The following RHBDD1 variants were observed in gnomAD, a reference collection of about 807,000 sequenced individuals.
RHBDD1 encodes rhomboid-related protein 4.
A neutral mutation model predicts 36.3 loss-of-function variants in RHBDD1; 38 were observed. The observed-to-expected ratio is 1.05, with a 90% CI of 0.81 to 1.37. The LOEUF is 1.37. Among genes scored for constraint, RHBDD1 ranks in the 40% most tolerant of loss-of-function variants. The probability of loss-of-function intolerance (pLI) is 0.00; values close to 1 mark genes in which losing one functional copy is unlikely to be tolerated. For synonymous variants in RHBDD1, 151 were observed against 136.5 expected, an observed-to-expected ratio of 1.11 and a Z score of -0.74; for missense variants, 393 against 377.6, an observed-to-expected ratio of 1.04 and a Z score of -0.34.
At chr2:226,818,788 G>A in the RHBDD1 span, among the ~76,000 whole-genome samples, 8,194 of 151,872 alleles carry the variant, frequency 0.054, 702 homozygotes, top group African/African-American at 0.18. Context: ...GCAGTGAGAC[G>A]AGATTGCGCC....
intron 8 of RHBDD1, among the ~76,000 whole-genome samples, chr2:226,970,227 C>T (rs1953195479): frequency 6.6e-6 from 1 of 151,882 alleles, no homozygotes. Flanking sequence ...ACTATTGTTG[C>T]TAGCTGGGAG....
upstream of RHBDD1, among the ~76,000 whole-genome samples, chr2:226,831,260 A>G (rs1274360699): frequency 1.3e-5 from 2 of 152,232 alleles, no homozygotes; most frequent in African/African-American, 4.8e-5. Flanking sequence ...CTTTGTGGGA[A>G]GATTTTCTTT....
chr2:226,896,612 C>T (rs936905786), intron 5 of RHBDD1, among the ~76,000 whole-genome samples: 2 of 152,166 alleles, frequency 1.3e-5, no homozygotes, highest in Admixed American at 6.5e-5. Context: ...TCTGTTCTCT[C>T]AGCAGGTGGA....
intron 8 of RHBDD1, among the ~76,000 whole-genome samples, chr2:226,931,753 T>C (rs184387329): frequency 4.3e-4 from 66 of 152,258 alleles, no homozygotes; most frequent in Admixed American, 2.4e-3. Flanking sequence ...TTTTGCTGTA[T>C]AATCAATCCT....
chr2:226,938,668 T>G (rs1215836537), intron 8 of RHBDD1, among the ~76,000 whole-genome samples: 1 of 152,064 alleles, frequency 6.6e-6, no homozygotes, highest in East Asian at 1.9e-4. Context: ...ACCAGACGGA[T>G]TCACAGCTGA....
intron 8 of RHBDD1, among the ~76,000 whole-genome samples, chr2:226,967,842 G>A (rs1449736542): frequency 6.6e-6 from 1 of 152,010 alleles, no homozygotes; most frequent in Non-Finnish European, 1.5e-5. Context: ...TTCATTCAGT[G>A]CCAGGGGCCC....
chr2:226,852,035 T>G (rs1942865791), intron 3 of RHBDD1, among the ~76,000 whole-genome samples: 1 of 152,224 alleles, frequency 6.6e-6, no homozygotes, highest in Non-Finnish European at 1.5e-5. Flanking sequence ...ATGTGTACTT[T>G]CTACCCTGCC....
Position 226,997,701 on chromosome 2 carries a change from C to T in RHBDD1, c.*2179C>T, listed in dbSNP as rs1959790506. 1.3e-5 allele frequency: 2 copies of T among 152,106 alleles called. No individual in the cohort carries two copies. Among genetic ancestry groups the T allele is most frequent in the Admixed American group, 1.3e-4 (2 of 15,280 alleles). The allele number at this position is 152,106 out of a possible 1,614,324, so 9.4% of individuals were successfully genotyped here. On this transcript the variant is annotated 3_prime_UTR_variant, in exon 9 of 9. Coordinates refer to ENST00000392062, the MANE Select transcript of RHBDD1 (RefSeq NM_001167608.3). ...GTTTGACTTGTCAGATACAAAGACA[C>T]GGGATTAGATTTTGGGTGGTAAAAT...
At position 226,995,570 on chromosome 2, in the gene RHBDD1, T is replaced by G; in HGVS notation, c.*48T>G. On this transcript the variant is annotated 3_prime_UTR_variant, in exon 9 of 9. Transcript: ENST00000392062. ...GCCTATTCGTGTAATTATTGCCCAT[T>G]TGGCTCATTCCCCAAGCCCCTAATT... The G allele has an allele frequency of 7.9e-7, 1 of 1,268,838 alleles. No homozygotes were observed. The highest frequency in any genetic ancestry group is 1.2e-5 in the South Asian group (1 of 80,304). The allele number at this position is 1,268,838 out of a possible 1,614,324, so 78.6% of individuals were successfully genotyped here.
intron 3 of RHBDD1, among the ~76,000 whole-genome samples, chr2:226,848,994 A>C (rs1309986401): frequency 1.3e-5 from 2 of 152,212 alleles, no homozygotes; most frequent in Non-Finnish European, 2.9e-5. Flanking sequence ...ACTATCAATC[A>C]GTAGCAAAAT....
Position 226,864,822 on chromosome 2 carries a change from G to T in RHBDD1, c.129G>T (p.Leu43Phe), listed in dbSNP as rs1944185477. Residue 43 changes from leucine (L) to phenylalanine (F), a missense_variant, in exon 4 of 9, where the codon TTG becomes TTT. Coordinates refer to ENST00000392062, the MANE Select transcript of RHBDD1 (RefSeq NM_001167608.3). Reference protein sequence around the residue: ...ATLALNIWFFLNPQKPLYSSC... With the variant: ...ATLALNIWFFFNPQKPLYSSC... ...TGGCCCTCAACATCTGGTTCTTCTT[G>T]AACCCTCAGAAGCCACTGTATAGCT... 6.2e-7 allele frequency: 1 copy of T among 1,614,036 alleles called. No individual in the cohort carries two copies. The highest frequency in any genetic ancestry group is 1.3e-5 in the African/African-American group (1 of 74,902).
chr2:226,873,488 C>T (rs1363913140), intron 5 of RHBDD1, among the ~76,000 whole-genome samples: 2 of 152,174 alleles, frequency 1.3e-5, no homozygotes, highest in Non-Finnish European at 2.9e-5. Flanking sequence ...GGGACCCCTC[C>T]CAGAGCTCTG....
chr2:226,942,127 A>G (rs765777011), intron 8 of RHBDD1, among the ~76,000 whole-genome samples: 29 of 152,158 alleles, frequency 1.9e-4, no homozygotes, highest in Non-Finnish European at 2.9e-4. Context: ...TCAGTTAACT[A>G]AGTAGAGATT....
chr2:226,882,716 TGTA>T (rs1366006452), intron 5 of RHBDD1, among the ~76,000 whole-genome samples: 1 of 152,108 alleles, frequency 6.6e-6, no homozygotes, highest in Non-Finnish European at 1.5e-5. Flanking sequence ...TGGCATATCA[TGTA>T]GTAGTTAGTC....
intron 8 of RHBDD1, among the ~76,000 whole-genome samples, chr2:226,947,857 C>G (rs1951100735): frequency 6.6e-6 from 1 of 152,138 alleles, no homozygotes; most frequent in Admixed American, 6.5e-5. Context: ...CAAATCAAAA[C>G]CACTATGAGA....
intron 8 of RHBDD1, among the ~76,000 whole-genome samples, chr2:226,959,617 C>T (rs1219607107): frequency 6.6e-6 from 1 of 152,176 alleles, no homozygotes; most frequent in African/African-American, 2.4e-5. Context: ...AGTACTAGTC[C>T]ATTGTACAGA....
chr2:226,992,678 C>T (rs767362079), intron 8 of RHBDD1, among the ~76,000 whole-genome samples: 1 of 152,192 alleles, frequency 6.6e-6, no homozygotes, highest in Non-Finnish European at 1.5e-5. Flanking sequence ...TTTCTGTTTT[C>T]AGATAGCAGT....
intron 8 of RHBDD1, among the ~76,000 whole-genome samples, chr2:226,940,749 A>G (rs1194778951): frequency 6.6e-6 from 1 of 152,162 alleles, no homozygotes; most frequent in African/African-American, 2.4e-5. Flanking sequence ...TTGGTTTCAG[A>G]TCAGGAAACA....
At position 226,867,185 on chromosome 2, in the gene RHBDD1, G is replaced by A. The variant is rs766299365; in HGVS notation, c.434-1G>A. 1.2e-6 allele frequency: 2 copies of A among 1,602,366 alleles called. No homozygotes were observed. The highest frequency in any genetic ancestry group is 4.5e-5 in the East Asian group (2 of 44,656). Reference sequence around the variant, plus strand: ...TTTGCATGTTCTTCATTCTCTTTTAGGAGTTTTGTTTGCTTTGAAAGTTCT... The same window carrying A: ...TTTGCATGTTCTTCATTCTCTTTTAAGAGTTTTGTTTGCTTTGAAAGTTCT... On this transcript the variant is annotated splice_acceptor_variant, in intron 4 of 8. Coordinates refer to ENST00000392062, the MANE Select transcript of RHBDD1 (RefSeq NM_001167608.3). LOFTEE classifies it high-confidence loss of function.
Sources: gnomAD v4.1 joint callset for allele counts (sites outside exome capture counted in the v4.1 genomes callset) on GRCh38, gnomAD v4.1.1 for gene constraint, MANE v1.5 for transcripts, NCBI Gene and HGNC (gene_info 2026-07-23, HGNC 2026-07-21) for gene names.